RAD52: variants seen among roughly 807,000 people sequenced by gnomAD.
The protein encoded by RAD52 is RAD52 DNA repair protein, also known as DNA repair protein RAD52 homolog.
Under a neutral mutation model 55.5 loss-of-function variants are expected in RAD52, and 47 were observed. The observed-to-expected ratio is 0.85, with a 90% confidence interval of 0.67 to 1.08. The LOEUF is 1.08. RAD52 is among the 50% of genes least tolerant of loss of function. The pLI is 0.00. For missense variants in RAD52, 468 were observed against 522.8 expected (o/e 0.90, Z 1.02); for synonymous variants, 184 against 198.9 (o/e 0.92, Z 0.63).
chr12:933,225 G>C (rs1229637849), intron 1 of RAD52, 149 bp from the exon 2 acceptor site: 4 of 561,394 alleles, frequency 7.1e-6, no homozygotes, highest in Non-Finnish European at 1.3e-5. Flanking sequence ...TTGGGAGGCC[G>C]AGGTGGGTGG....
At chr12:990,900 G>A (rs1246324742), upstream of RAD52, among the ~76,000 whole-genome samples, 4 of 151,790 alleles carry the variant, frequency 2.6e-5, no homozygotes, top group Admixed American at 2.0e-4. Context: ...TCGCGGAGCC[G>A]ACCCCGGCTC....
upstream of RAD52, among the ~76,000 whole-genome samples, chr12:950,266 A>C (rs1197228181): frequency 6.6e-6 from 1 of 152,126 alleles, no homozygotes; most frequent in Non-Finnish European, 1.5e-5. Flanking sequence ...TGGGGGGCGA[A>C]GTCCCCTCTA....
chr12:925,373 A>T, intron 7 of RAD52, 77 bp downstream of exon 7: 2 of 1,248,126 alleles, frequency 1.6e-6, no homozygotes, highest in Admixed American at 1.7e-5. Context: ...TTCTCCTTGC[A>T]TCCTCCAAAT....
At chr12:968,838 C>T (rs1958803529) in intron 1 of RAD52, among the ~76,000 whole-genome samples, 2 of 151,976 alleles carry the variant, frequency 1.3e-5, no homozygotes, top group South Asian at 2.1e-4. Flanking sequence ...TCCCCAGGAT[C>T]GTGAACTATG....
intron 1 of RAD52, among the ~76,000 whole-genome samples, chr12:937,671 C>T (rs1957710781): frequency 6.6e-6 from 1 of 152,148 alleles, no homozygotes; most frequent in African/African-American, 2.4e-5. Context: ...GGTGATCCGC[C>T]TGCCTCATCC....
In RAD52 at chr12:918,728, G is replaced by A. The variant is rs574682055; in HGVS notation, c.544-1908C>T. Among the ~76,000 whole-genome samples, 11 of 152,062 alleles carry A rather than the reference G, an allele frequency of 7.2e-5. No homozygotes were observed. In the East Asian group the frequency reaches 1.7e-3, roughly 24 times the overall value. ...CCGGCCAATCTGTGTTGTTAAAAGC[G>A]GTTTGCTCAGAGTGGGAAGGAGGGC... On this transcript the variant is annotated intron_variant, in intron 7 of 11. Transcript: ENST00000358495.
Position 927,243 on chromosome 12 carries a change from ATCT to A in RAD52, c.366_368del (p.Glu122del). ...GGCCCTCACTAACACCATAACCAACATCTTCATGATATGAACCATCCTGGGGGC... is the reference window on the plus strand; with the variant it reads ...GGCCCTCACTAACACCATAACCAACATCATGATATGAACCATCCTGGGGGC... On this transcript the variant is annotated inframe_deletion, in exon 6 of 12. Coordinates refer to ENST00000358495, the MANE Select transcript of RAD52 (RefSeq NM_134424.4). 1 of 1,613,582 alleles carries A rather than the reference ATCT, an allele frequency of 6.2e-7. No homozygotes were observed. The highest frequency in any genetic ancestry group is 8.5e-7 in the Non-Finnish European group (1 of 1,179,588).
chr12:984,955 G>A (rs1361771465), intron 1 of RAD52, among the ~76,000 whole-genome samples: 4 of 150,700 alleles, frequency 2.7e-5, no homozygotes, highest in South Asian at 4.2e-4. Context: ...GTGAGCCACC[G>A]CGCCTGTCCA....
In RAD52 at chr12:914,441, T is replaced by C; in HGVS notation, c.957A>G (p.Gln319=). Residue 319 remains glutamine, a synonymous_variant, in exon 10 of 12, where the codon CAA becomes CAG. Transcript: ENST00000358495. Reference sequence around the variant, plus strand: ...TTTCAAGGTATTTACTGATTAATTCTTGAGTCACTCCTGCAAGGAAGTCTT... The same window carrying C: ...TTTCAAGGTATTTACTGATTAATTCCTGAGTCACTCCTGCAAGGAAGTCTT... ...LEKDFLAGVT[Q]ELIKTLEDNS... 6.2e-7 allele frequency: 1 copy of C among 1,613,996 alleles called. No homozygotes were observed. The highest frequency in any genetic ancestry group is 8.5e-7 in the Non-Finnish European group (1 of 1,179,954).
In RAD52 at chr12:933,064, TTCTGGTTGACCTCTATATAAATAAAAAGC is replaced by T; in HGVS notation, c.-18-17_-7del. On this transcript the variant is annotated splice_acceptor_variant and splice_polypyrimidine_tract_variant and 5_prime_UTR_variant and intron_variant, in exon 2 of 12. Transcript: ENST00000358495. LOFTEE classifies it low-confidence loss of function (5UTR_SPLICE). ...GCTTCCTCAGTCCCAGACATCTTGA[TTCTGGTTGACCTCTATATAAATAAAAAGC>T]GGAAAAAAAAAACAACCCTCAAAGA... 2 of 1,610,912 alleles carry T rather than the reference TTCTGGTTGACCTCTATATAAATAAAAAGC, an allele frequency of 1.2e-6. No homozygotes were observed. Among genetic ancestry groups the T allele is most frequent in the South Asian group, 2.2e-5 (2 of 91,018 alleles).
At chr12:948,881 T>G (rs1160101262) in intron 1 of RAD52, among the ~76,000 whole-genome samples, 2 of 151,942 alleles carry the variant, frequency 1.3e-5, no homozygotes, top group African/African-American at 4.8e-5. Flanking sequence ...GTATTTTTAG[T>G]AGAGACGGGG....
rs778491427 is a variant in RAD52 at position 927,307 on chromosome 12, G to A, written c.349-44C>T. ...TTTGAACTCAAACACGAGAGCGGCA[G>A]GCGTGCCACAACTCCCCTGTTCCTC... On this transcript the variant is annotated intron_variant, in intron 5 of 11. Transcript: ENST00000358495. 3.3e-5 allele frequency: 46 copies of A among 1,414,768 alleles called. No homozygotes were observed. The Middle Eastern group carries it at 7.0e-4, about 22-fold the overall frequency. 87.6% of individuals were successfully genotyped at this position (1,414,768 alleles called of 1,614,324 possible).
intron 1 of RAD52, among the ~76,000 whole-genome samples, chr12:941,097 CAAATA>C (rs1957896203): frequency 6.6e-6 from 1 of 151,968 alleles, no homozygotes; most frequent in Admixed American, 6.6e-5. Context: ...CGGATAAATA[CAAATA>C]AAATGACACC....
chr12:931,752 A>C (rs1350323610), intron 2 of RAD52, among the ~76,000 whole-genome samples: 1 of 152,208 alleles, frequency 6.6e-6, no homozygotes, highest in East Asian at 1.9e-4. Flanking sequence ...CTGCCTCCAG[A>C]TCTGTAAATG....
At chr12:936,202 G>A (rs2154116095) in intron 1 of RAD52, among the ~76,000 whole-genome samples, 1 of 152,044 alleles carries the variant, frequency 6.6e-6, no homozygotes, top group South Asian at 2.1e-4. Flanking sequence ...TACTCGGGGG[G>A]CTGAGGCTGG....
intron 1 of RAD52, among the ~76,000 whole-genome samples, chr12:939,003 G>A (rs1957775616): frequency 6.6e-6 from 1 of 150,886 alleles, no homozygotes; most frequent in East Asian, 1.9e-4. Context: ...TGCAATATTG[G>A]AGTAAAGTGT....
At chr12:949,766 AAC>A (rs1958469258), upstream of RAD52, 2 of 152,046 alleles carry the variant, frequency 1.3e-5, no homozygotes, top group Admixed American at 1.3e-4. Flanking sequence ...GAAAAAAAAA[AAC>A]ACAGACCAGA....
rs916490304 is a variant in RAD52 at position 973,260 on chromosome 12, G to A, written c.-19+16549C>T. Among the ~76,000 whole-genome samples the A allele has an allele frequency of 7.2e-5, 11 of 151,858 alleles. No individual in the cohort carries two copies. The East Asian group carries it at 1.8e-3, about 24-fold the overall frequency. The stretch of plus-strand genomic sequence containing the variant: ...AAGTTTTTGTATTTTTAGTAGAGAC[G>A]GGGTTTCATCATGTTAGCCAGGATG... On this transcript the variant is annotated intron_variant, in intron 1 of 11. Transcript: ENST00000430095.
chr12:948,526 G>T lies in RAD52; in HGVS notation c.-19+1076C>A, dbSNP rs374725689. Among the ~76,000 whole-genome samples, 61 of 152,224 alleles carry T rather than the reference G, an allele frequency of 4.0e-4. No individual in the cohort carries two copies. The South Asian group carries it at 0.013, about 32-fold the overall frequency. On this transcript the variant is annotated intron_variant, in intron 1 of 11. Transcript: ENST00000358495. ...AAATACAAAGTAGCTGGGTGTGGTG[G>T]TATGCGCCTGTAATTCCAGCTACTT...
Sources: gnomAD v4.1 joint callset for allele counts (sites outside exome capture counted in the v4.1 genomes callset) on GRCh38, gnomAD v4.1.1 for gene constraint, MANE v1.5 for transcripts, NCBI Gene and HGNC (gene_info 2026-07-23, HGNC 2026-07-21) for gene names.